INTS6: variants seen among roughly 807,000 people sequenced by gnomAD.
The protein encoded by INTS6 is integrator complex subunit 6.
Under a neutral mutation model 104.9 loss-of-function variants are expected in INTS6, and 16 were observed. That is an observed-to-expected ratio of 0.15 (90% confidence interval 0.10 to 0.23). The LOEUF is 0.23. INTS6 is among the 10% of genes least tolerant of loss of function. INTS6 has a pLI of 1.00. For missense variants in INTS6, 584 were observed against 1,062.8 expected, an observed-to-expected ratio of 0.55 and a Z score of 6.26; for synonymous variants, 324 against 358.7, an observed-to-expected ratio of 0.90 and a Z score of 1.09.
chr13:51,376,002 T>C (rs1566209333), intron 13 of INTS6, 46 bp downstream of exon 13: 4 of 1,520,344 alleles, frequency 2.6e-6, no homozygotes, highest in Admixed American at 2.0e-5. Context: ...TTTCAGACTA[T>C]AAAGAAAAAA....
intron 4 of INTS6, among the ~76,000 whole-genome samples, chr13:51,420,553 C>T (rs941703393): frequency 4.0e-5 from 6 of 151,886 alleles, no homozygotes; most frequent in Admixed American, 3.3e-4. Context: ...GCAGGTAGTA[C>T]TAATATTCTT....
At chr13:51,338,895 C>A in the INTS6 span, among the ~76,000 whole-genome samples, 2 of 152,324 alleles carry the variant, frequency 1.3e-5, no homozygotes, top group East Asian at 3.9e-4. Context: ...GAATTGCATT[C>A]AGTTCTTCTT....
At chr13:51,368,876 TC>T in intron 16 of INTS6, 62 bp downstream of exon 16, 1 of 1,492,036 alleles carries the variant, frequency 6.7e-7, no homozygotes, top group African/African-American at 1.4e-5. Flanking sequence ...ACTTTTTTTT[TC>T]TTTTTTGCTT....
intron 15 of INTS6, among the ~76,000 whole-genome samples, chr13:51,370,707 G>C (rs1321503702): frequency 6.6e-6 from 1 of 152,078 alleles, no homozygotes; most frequent in Non-Finnish European, 1.5e-5. Context: ...GCAACTGCTT[G>C]CAAAAAGTAT....
chr13:51,411,972 G>A (rs1281984744), intron 4 of INTS6, among the ~76,000 whole-genome samples: 1 of 152,158 alleles, frequency 6.6e-6, no homozygotes, highest in Non-Finnish European at 1.5e-5. Context: ...ATATGGCTCA[G>A]CAATAAAAAG....
At chr13:51,416,839 C>G (rs966711875) in intron 4 of INTS6, among the ~76,000 whole-genome samples, 6 of 152,226 alleles carry the variant, frequency 3.9e-5, no homozygotes, top group Non-Finnish European at 8.8e-5. Flanking sequence ...TACATCCTCA[C>G]TAGCAAAGTA....
chr13:51,361,859 G>A lies in INTS6; in HGVS notation c.*3893C>T, dbSNP rs776327255. 6.2e-7 allele frequency: 1 copy of A among 1,611,244 alleles called. No individual in the cohort carries two copies. Among genetic ancestry groups the A allele is most frequent in the African/African-American group, 1.3e-5 (1 of 74,682 alleles). The stretch of plus-strand genomic sequence containing the variant: ...GGATTCCTATTTTTAAAGCAGATCG[G>A]CCATTCATCTATTTCCTGAGAGAAC... On this transcript the variant is annotated 3_prime_UTR_variant, in exon 18 of 18. Coordinates refer to ENST00000311234, the MANE Select transcript of INTS6 (RefSeq NM_012141.3).
downstream of INTS6, among the ~76,000 whole-genome samples, chr13:51,358,156 G>C (rs776337966): frequency 6.6e-6 from 1 of 152,080 alleles, no homozygotes; most frequent in East Asian, 1.9e-4. Flanking sequence ...CGGGTGCTAT[G>C]TGTTTCTCTC....
At chr13:51,444,100 T>TG (rs1329316439) in intron 3 of INTS6, 6 of 152,720 alleles carry the variant, frequency 3.9e-5, no homozygotes, top group Admixed American at 3.3e-4. Context: ...TGTTTTGTTT[T>TG]TTTGAGACAG....
At chr13:51,359,565 C>G (rs1450617897), downstream of INTS6, among the ~76,000 whole-genome samples, 1 of 152,068 alleles carries the variant, frequency 6.6e-6, no homozygotes, top group Non-Finnish European at 1.5e-5. Context: ...GCCCATCTAA[C>G]CAGACTCATC....
chr13:51,383,425 C>G lies in INTS6; in HGVS notation c.1084G>C (p.Gly362Arg). 6.2e-7 allele frequency: 1 copy of G among 1,613,894 alleles called. No homozygotes were observed. Among genetic ancestry groups the G allele is most frequent in the Non-Finnish European group, 8.5e-7 (1 of 1,179,924 alleles). The change falls in exon 9 of 18, where the codon GGT becomes CGT. Residue 362 changes from glycine to arginine, a missense_variant. Coordinates refer to ENST00000311234, the MANE Select transcript of INTS6 (RefSeq NM_012141.3). ...VSNSAKYSEL[G>R]HPFGYLKAST... Reference sequence around the variant, plus strand: ...GCTTTCAAGTAACCAAAAGGATGACCAAGTTCACTGTATTTTGCACTATTG... The same window carrying G: ...GCTTTCAAGTAACCAAAAGGATGACGAAGTTCACTGTATTTTGCACTATTG...
At chr13:51,370,273 T>C (rs374656097) in intron 15 of INTS6, among the ~76,000 whole-genome samples, 4 of 152,188 alleles carry the variant, frequency 2.6e-5, no homozygotes, top group Non-Finnish European at 5.9e-5. Flanking sequence ...ACAATCTCCA[T>C]AGGCATAAAA....
At chr13:51,406,233 T>TA (rs1160699002) in intron 4 of INTS6, among the ~76,000 whole-genome samples, 2 of 152,106 alleles carry the variant, frequency 1.3e-5, no homozygotes, top group Admixed American at 1.3e-4. Flanking sequence ...AATCAAATAA[T>TA]AAAAACTGTA....
Position 51,452,629 on chromosome 13 carries a change from A to C in INTS6, c.-104T>G. The C allele has an allele frequency of 6.6e-7, 1 of 1,525,374 alleles. No homozygotes were observed. Among genetic ancestry groups the C allele is most frequent in the Non-Finnish European group, 8.8e-7 (1 of 1,134,562 alleles). The allele number at this position is 1,525,374 out of a possible 1,614,324, so 94.5% of individuals were successfully genotyped here. A position where few individuals can be genotyped will look rare whatever the true frequency, so the allele number is the denominator to read the frequency against. Reference sequence around the variant, plus strand: ...CCGCCGCTACGCGGGGCGGGGGAGCACGGCCCCCGGGAGGAAAACACTGTC... The same window carrying C: ...CCGCCGCTACGCGGGGCGGGGGAGCCCGGCCCCCGGGAGGAAAACACTGTC... On this transcript the variant is annotated 5_prime_UTR_variant, in exon 1 of 18. Coordinates refer to ENST00000311234, the MANE Select transcript of INTS6 (RefSeq NM_012141.3). The surrounding 1 kb of genome is among the most constrained non-coding windows in gnomAD (Gnocchi z 4.2).
At chr13:51,370,885 G>A (rs1027849918) in intron 15 of INTS6, among the ~76,000 whole-genome samples, 5 of 152,102 alleles carry the variant, frequency 3.3e-5, no homozygotes, top group African/African-American at 9.7e-5. Context: ...GGATCTTTGG[G>A]TTAGCCACCC....
downstream of INTS6, among the ~76,000 whole-genome samples, chr13:51,359,976 C>T (rs1038745136): frequency 1.3e-5 from 2 of 152,044 alleles, no homozygotes; most frequent in African/African-American, 2.4e-5. Context: ...ATTTTTACTT[C>T]CTCTGGCCCT....
At chr13:51,451,830 G>A (rs1274865186) in intron 2 of INTS6, 148 bp downstream of exon 2, 1 of 437,282 alleles carries the variant, frequency 2.3e-6, no homozygotes, top group Non-Finnish European at 4.0e-6. Context: ...GGAGGGGGTG[G>A]GAGCCCGCAG....
At chr13:51,451,389 A>G (rs1953038843) in intron 2 of INTS6, 5 of 347,414 alleles carry the variant, frequency 1.4e-5, no homozygotes, top group Admixed American at 4.8e-5. Flanking sequence ...TAACTGCCTT[A>G]ATACTTTATA....
At chr13:51,409,344 T>C (rs954885374) in intron 4 of INTS6, among the ~76,000 whole-genome samples, 1 of 149,608 alleles carries the variant, frequency 6.7e-6, no homozygotes, top group Non-Finnish European at 1.5e-5. Flanking sequence ...CTAAAGACTC[T>C]GAGTATTTCA....
Sources: gnomAD v4.1 joint callset for allele counts (sites outside exome capture counted in the v4.1 genomes callset) on GRCh38, gnomAD v4.1.1 for gene constraint, Gnocchi (gnomAD v3.1) non-coding constraint, MANE v1.5 for transcripts, NCBI Gene and HGNC (gene_info 2026-07-23, HGNC 2026-07-21) for gene names.